The following IL19 variants were observed in gnomAD, a reference collection of about 807,000 sequenced individuals.
IL19 encodes the protein interleukin 19.
IL19 carries 15 observed loss-of-function variants against 19.5 expected under a neutral mutation model. That is an observed-to-expected ratio of 0.77 (90% CI 0.52 to 1.19). The LOEUF is 1.19. IL19 is among the 50% of genes most tolerant of loss of function. IL19 has a pLI of 0.00. For synonymous variants in IL19, 78 were observed against 78.3 expected, an observed-to-expected ratio of 1.00 and a Z score of 0.02; for missense variants, 199 against 213.1, an observed-to-expected ratio of 0.93 and a Z score of 0.41.
intron 1 of IL19, among the ~76,000 whole-genome samples, chr1:206,790,179 C>A (rs1675361982): frequency 6.6e-6 from 1 of 152,176 alleles, no homozygotes; most frequent in South Asian, 2.1e-4. Flanking sequence ...TCCCTTTTCA[C>A]CACTTCCACA....
chr1:206,836,126 G>A (rs1053109386), intron 2 of IL19, among the ~76,000 whole-genome samples: 6 of 152,122 alleles, frequency 3.9e-5, no homozygotes, highest in African/African-American at 7.2e-5. Flanking sequence ...TCTCCAGAAG[G>A]TGAAATCTCC....
At chr1:206,808,799 A>G (rs1558614103) in intron 2 of IL19, among the ~76,000 whole-genome samples, 1 of 152,196 alleles carries the variant, frequency 6.6e-6, no homozygotes. Context: ...CTCCCAGCCC[A>G]TTTGGTCTGT....
Position 206,839,836 on chromosome 1 carries a change from A to T in IL19, c.211-14A>T, listed in dbSNP as rs1450842449. 1 of 1,601,312 alleles carries T rather than the reference A, an allele frequency of 6.2e-7. No homozygotes were observed. The highest frequency in any genetic ancestry group is 1.7e-5 in the Admixed American group (1 of 58,642). ...AGAAGAGGCCTCTAGTGTTTCCCTA[A>T]TTTGTGTTTGTAGCCCTTAGATGTG... On this transcript the variant is annotated splice_polypyrimidine_tract_variant and intron_variant, in intron 4 of 6. Transcript: ENST00000659997.
chr1:206,788,714 G>C (rs1418925669), intron 1 of IL19, among the ~76,000 whole-genome samples: 1 of 152,164 alleles, frequency 6.6e-6, no homozygotes, highest in Non-Finnish European at 1.5e-5. Context: ...GGAGGTGCTA[G>C]AAAAGCATTA....
chr1:206,800,403 G>C (rs553175785), intron 2 of IL19, among the ~76,000 whole-genome samples: 14 of 152,362 alleles, frequency 9.2e-5, no homozygotes, highest in African/African-American at 3.1e-4. Flanking sequence ...GCTCCGATAT[G>C]TTGCTGTGCA....
intron 1 of IL19, among the ~76,000 whole-genome samples, chr1:206,795,730 A>G (rs908109878): frequency 3.3e-5 from 5 of 152,162 alleles, no homozygotes; most frequent in African/African-American, 1.2e-4. Flanking sequence ...CTCCTGGATC[A>G]GAGCCTGCCC....
intron 2 of IL19, among the ~76,000 whole-genome samples, chr1:206,805,149 T>C (rs1312936738): frequency 6.6e-6 from 1 of 152,248 alleles, no homozygotes; most frequent in Non-Finnish European, 1.5e-5. Context: ...CTGCCTGGGA[T>C]GGTTATTTAC....
intron 1 of IL19, 117 bp downstream of exon 1, chr1:206,771,195 C>T: frequency 8.5e-7 from 1 of 1,180,144 alleles, no homozygotes; most frequent in Non-Finnish European, 1.3e-6. Flanking sequence ...GGACTGAGCC[C>T]TTTGTAAACC....
intron 2 of IL19, among the ~76,000 whole-genome samples, chr1:206,827,562 C>T (rs902669799): frequency 6.6e-6 from 1 of 152,010 alleles, no homozygotes; most frequent in Non-Finnish European, 1.5e-5. Context: ...AGGTGGTGGG[C>T]GCCTGTAGTC....
rs764202554 is a variant in IL19, at chr1:206,842,646, C to T, written c.*24C>T. ...GATGACAAGGAACCTGTATAGTGAT[C>T]CAGGGATGAACACCCCCTGTGCGGT... On this transcript the variant is annotated 3_prime_UTR_variant, in exon 7 of 7. Transcript: ENST00000659997. The T allele has an allele frequency of 4.3e-6, 6 of 1,389,522 alleles. No homozygotes were observed. Among genetic ancestry groups the T allele is most frequent in the African/African-American group, 2.9e-5 (2 of 69,908 alleles). The allele number at this position is 1,389,522 out of a possible 1,614,324, so 86.1% of individuals were successfully genotyped here. A position where few individuals can be genotyped will look rare whatever the true frequency, so the allele number is the denominator to read the frequency against.
chr1:206,838,960 A>G (rs908711639), intron 4 of IL19, among the ~76,000 whole-genome samples: 7 of 152,228 alleles, frequency 4.6e-5, no homozygotes, highest in Admixed American at 2.0e-4. Flanking sequence ...TTGTGTTGCC[A>G]TCTAGGAAAA....
At chr1:206,840,464 G>A (rs1676969858) in intron 5 of IL19, 1 of 270,456 alleles carries the variant, frequency 3.7e-6, no homozygotes, top group Non-Finnish European at 7.2e-6. Context: ...CAAAAACTTA[G>A]ACCAGGAGAG....
chr1:206,822,279 G>A (rs1218369095), intron 2 of IL19, among the ~76,000 whole-genome samples: 1 of 152,202 alleles, frequency 6.6e-6, no homozygotes, highest in Admixed American at 6.5e-5. Context: ...AGTGGGAATG[G>A]CAGCTGCAGG....
intron 2 of IL19, among the ~76,000 whole-genome samples, chr1:206,812,097 C>A (rs562368904): frequency 6.6e-5 from 10 of 152,156 alleles, no homozygotes; most frequent in Admixed American, 2.0e-4. Context: ...AGTTATGGTA[C>A]CAGTTGGGAG....
intron 2 of IL19, among the ~76,000 whole-genome samples, chr1:206,827,616 G>A (rs1294180643): frequency 1.3e-5 from 2 of 152,018 alleles, no homozygotes; most frequent in African/African-American, 2.4e-5. Flanking sequence ...CATGAACCCC[G>A]GGGGGCGGAG....
intron 2 of IL19, among the ~76,000 whole-genome samples, chr1:206,809,981 C>G (rs1237495781): frequency 1.3e-5 from 2 of 152,192 alleles, no homozygotes; most frequent in Admixed American, 1.3e-4. Flanking sequence ...AATGAATTCT[C>G]CTTCTCAAGA....
intron 2 of IL19, 83 bp downstream of exon 2, chr1:206,799,089 A>T: frequency 1.0e-6 from 1 of 955,918 alleles, no homozygotes; most frequent in Non-Finnish European, 1.7e-6. Flanking sequence ...AAGACTCTGG[A>T]AGACTGGGTT....
chr1:206,812,019 C>A (rs1676027307), intron 2 of IL19, among the ~76,000 whole-genome samples: 1 of 152,192 alleles, frequency 6.6e-6, no homozygotes, highest in Non-Finnish European at 1.5e-5. Flanking sequence ...TTAACTGGTA[C>A]AACCACATAT....
At chr1:206,822,956 G>A (rs1676325545) in intron 2 of IL19, among the ~76,000 whole-genome samples, 1 of 151,880 alleles carries the variant, frequency 6.6e-6, no homozygotes, top group Admixed American at 6.6e-5. Flanking sequence ...TTGAAATGAA[G>A]TCTCACTCTG....
Sources: gnomAD v4.1 joint callset for allele counts (sites outside exome capture counted in the v4.1 genomes callset) on GRCh38, gnomAD v4.1.1 for gene constraint, MANE v1.5 for transcripts, NCBI Gene and HGNC (gene_info 2026-07-23, HGNC 2026-07-21) for gene names.